RBM45: variants seen among roughly 807,000 people sequenced by gnomAD.
The protein encoded by RBM45 is RNA binding motif protein 45.
A neutral mutation model predicts 58.5 loss-of-function variants in RBM45; 39 were observed. The ratio of observed to expected loss-of-function variants is 0.67; its 90% CI spans 0.52 to 0.87. The LOEUF is 0.87. RBM45 is among the 40% of genes least tolerant of loss of function. RBM45 has a pLI of 0.00. For synonymous variants in RBM45, 193 were observed against 203.0 expected (o/e 0.95, Z 0.42); for missense variants, 481 against 581.6 (o/e 0.83, Z 1.78).
intron 3 of RBM45, among the ~76,000 whole-genome samples, chr2:178,119,525 C>CGAGGTTAGGAA: frequency 6.6e-6 from 1 of 152,176 alleles, no homozygotes; most frequent in Non-Finnish European, 1.5e-5. Context: ...AGGAAAAGTT[C>CGAGGTTAGGAA]AAGGTTAGTC....
chr2:178,135,508 C>T (rs934483025), intron 3 of RBM45, among the ~76,000 whole-genome samples: 23 of 152,338 alleles, frequency 1.5e-4, no homozygotes, highest in African/African-American at 5.3e-4. Context: ...GTTGTCCCTA[C>T]AGTCTTATTT....
chr2:178,122,072 C>T (rs2087860229), intron 5 of RBM45, among the ~76,000 whole-genome samples: 1 of 152,106 alleles, frequency 6.6e-6, no homozygotes, highest in South Asian at 2.1e-4. Context: ...AGCTTTGAGA[C>T]CTTGGCAACT....
In RBM45 at chr2:178,120,970, T is replaced by C. The variant is rs1401597858; in HGVS notation, c.674-210T>C. 9.0e-5 allele frequency: 34 copies of C among 378,258 alleles called. No homozygotes were observed. The East Asian group carries it at 1.3e-3, about 15-fold the overall frequency. The allele number at this position is 378,258 out of a possible 1,614,324, so 23.4% of individuals were successfully genotyped here. ...CTGTGAAATTAGACTATGCATTTCT[T>C]CTTATATTTCTGCATTAAAGGTAGG... On this transcript the variant is annotated intron_variant, in intron 4 of 9. Coordinates refer to ENST00000286070, the MANE Select transcript of RBM45 (RefSeq NM_152945.4).
At chr2:178,132,839 C>T (rs1423408380), downstream of RBM45, among the ~76,000 whole-genome samples, 3 of 152,168 alleles carry the variant, frequency 2.0e-5, no homozygotes, top group South Asian at 2.1e-4. Flanking sequence ...CTGCCCACCT[C>T]GGCCTCCCAA....
In RBM45 at chr2:178,126,081, A is replaced by G. The variant is rs2087925668; in HGVS notation, c.1330A>G (p.Thr444Ala). Residue 444 changes from threonine (T) to alanine (A), a missense_variant, in exon 9 of 10, where the codon ACT becomes GCT. Coordinates refer to ENST00000286070, the MANE Select transcript of RBM45 (RefSeq NM_152945.4). ...DRISANDAIA[T>A]LHGKILNGVR... is the part of the protein sequence containing the mutation. ...AATAAGTGCTAATGATGCCATTGCC[A>G]CTCTACATGGAAAGATTCTGAATGG... is the stretch of plus-strand genomic sequence containing the variant. 1.2e-6 allele frequency: 2 copies of G among 1,613,716 alleles called. No individual in the cohort carries two copies. The highest frequency in any genetic ancestry group is 1.7e-5 in the Admixed American group (1 of 60,014).
intron 3 of RBM45, among the ~76,000 whole-genome samples, chr2:178,136,166 C>G (rs774530046): frequency 3.9e-5 from 6 of 152,052 alleles, no homozygotes; most frequent in Non-Finnish European, 7.4e-5. Context: ...AAAAATTAGG[C>G]AGGTGTGGTG....
At chr2:178,128,094 C>T (rs2087957895) in intron 9 of RBM45, among the ~76,000 whole-genome samples, 1 of 148,796 alleles carries the variant, frequency 6.7e-6, no homozygotes, top group Non-Finnish European at 1.5e-5. Flanking sequence ...CAGCCTCTGC[C>T]TCCTGGGCTC....
rs1355536072 is a variant in RBM45, at chr2:178,116,246, T to A, written c.301-16T>A. On this transcript the variant is annotated splice_polypyrimidine_tract_variant and intron_variant, in intron 1 of 9. Transcript: ENST00000286070. ...GTTGACATTATTTTATTTTGGGAGT[T>A]TTGTTTGTTTCTTAGGTTTTCATTG... 2 of 1,549,212 alleles carry A rather than the reference T, an allele frequency of 1.3e-6. No homozygotes were observed. The highest frequency in any genetic ancestry group is 2.2e-5 in the Admixed American group (1 of 44,798).
chr2:178,126,214 CAT>C (rs56809827), intron 9 of RBM45, 30 bp downstream of exon 9: 395,634 of 1,457,726 alleles, frequency 0.27, 54,796 homozygotes, highest in Non-Finnish European at 0.28. Context: ...AATTTTAAAA[CAT>C]ATTGAGTAAA....
Position 178,118,188 on chromosome 2 carries a change from ATG to A in RBM45, c.550+11_550+12del, listed in dbSNP as rs1277026406. On this transcript the variant is annotated splice_region_variant and intron_variant, in intron 3 of 9. Coordinates refer to ENST00000286070, the MANE Select transcript of RBM45 (RefSeq NM_152945.4). ...ATAGAAAACTGTGATCGAAGTAAGG[ATG>A]TGTTTAACATTGTTAAAAACTTTTG... 4 of 1,606,984 alleles carry A rather than the reference ATG, an allele frequency of 2.5e-6. No individual in the cohort carries two copies. The African/African-American group carries it at 4.0e-5, about 16-fold the overall frequency.
At position 178,115,911 on chromosome 2, in the gene RBM45, G is replaced by T. The variant is rs144309185; in HGVS notation, c.301-351G>T. ...CTCACACCTGTAATCCCAGCACTTT[G>T]GAAGGTCAAAGTGGGAGGATCACTT... On this transcript the variant is annotated intron_variant, in intron 1 of 9. Coordinates refer to ENST00000286070, the MANE Select transcript of RBM45 (RefSeq NM_152945.4). Among the ~76,000 whole-genome samples the T allele has an allele frequency of 1.8e-3, 278 of 152,198 alleles. 11 individuals carry two copies. The East Asian group carries it at 0.051, about 28-fold the overall frequency.
At chr2:178,123,935 T>G in intron 7 of RBM45, 23 bp downstream of exon 7, 1 of 1,579,274 alleles carries the variant, frequency 6.3e-7, no homozygotes, top group Non-Finnish European at 8.7e-7. Context: ...GAATTTAACC[T>G]TTATAATATA....
Position 178,123,614 on chromosome 2 carries a change from G to A in RBM45, c.946G>A (p.Gly316Ser). Reference protein sequence around the residue: ...GFQYPPGNRIGVSFIDDGSNA... With the variant: ...GFQYPPGNRISVSFIDDGSNA... ...TCAGTACCCTCCTGGGAACCGAATA[G>A]GTGTTTCCTTCATTGATGATGGAAG... The change falls in exon 6 of 10, where the codon GGT becomes AGT. Residue 316 changes from glycine (G) to serine (S), a missense_variant. Physicochemically the swap from Gly to Ser is moderately conservative, Grantham distance 56 (BLOSUM62 0). Coordinates refer to ENST00000286070, the MANE Select transcript of RBM45 (RefSeq NM_152945.4). 2 of 1,608,704 alleles carry A rather than the reference G, an allele frequency of 1.2e-6. No homozygotes were observed. Among genetic ancestry groups the A allele is most frequent in the Non-Finnish European group, 1.7e-6 (2 of 1,178,466 alleles).
At chr2:178,122,065 T>A (rs879737991) in intron 5 of RBM45, among the ~76,000 whole-genome samples, 3 of 152,210 alleles carry the variant, frequency 2.0e-5, no homozygotes, top group Non-Finnish European at 4.4e-5. Flanking sequence ...GACATGTAGC[T>A]TTGAGACCTT....
At chr2:178,127,750 C>CA (rs1308515808) in intron 9 of RBM45, among the ~76,000 whole-genome samples, 3 of 151,938 alleles carry the variant, frequency 2.0e-5, no homozygotes, top group East Asian at 1.9e-4. Context: ...CTCTAGCATG[C>CA]AAAAAATGTG....
At chr2:178,125,786 G>C in intron 8 of RBM45, 198 bp from the exon 9 acceptor site, 1 of 705,154 alleles carries the variant, frequency 1.4e-6, no homozygotes, top group Non-Finnish European at 2.7e-6. Flanking sequence ...TTAGATTAAG[G>C]AAAAGATGAT....
At chr2:178,125,142 A>T (rs1304640571) in intron 8 of RBM45, among the ~76,000 whole-genome samples, 2 of 152,204 alleles carry the variant, frequency 1.3e-5, no homozygotes, top group East Asian at 1.9e-4. Context: ...AAATATCAGG[A>T]TATGGTTCAA....
At chr2:178,136,024 A>G (rs901329357) in intron 3 of RBM45, among the ~76,000 whole-genome samples, 2 of 152,226 alleles carry the variant, frequency 1.3e-5, no homozygotes, top group Admixed American at 1.3e-4. Context: ...ATAAAACAAG[A>G]TGACAGCCCA....
chr2:178,121,585 A>G (rs777511154), intron 5 of RBM45, among the ~76,000 whole-genome samples: 27 of 152,090 alleles, frequency 1.8e-4, no homozygotes, highest in Non-Finnish European at 2.1e-4. Context: ...CTGGAAATAT[A>G]TCTTCTTTTT....
Sources: allele counts gnomAD v4.1 joint callset (sites outside exome capture counted in the v4.1 genomes callset), GRCh38; gene constraint gnomAD v4.1.1; transcripts MANE v1.5; gene names NCBI Gene and HGNC (gene_info 2026-07-23, HGNC 2026-07-21).